Variants in PDE4B observed in about 807,000 individuals in gnomAD.
PDE4B encodes the protein phosphodiesterase 4B.
Under a neutral mutation model 82.2 loss-of-function variants are expected in PDE4B, and 20 were observed. The observed-to-expected ratio is 0.24, with a 90% CI of 0.17 to 0.35. PDE4B has a LOEUF of 0.35. PDE4B is among the 10% of genes least tolerant of loss of function. The pLI is 1.00. For synonymous variants in PDE4B, 320 were observed against 318.9 expected (o/e 1.00, Z -0.04); for missense variants, 655 against 907.2 (o/e 0.72, Z 3.57).
intron 3 of PDE4B, chr1:66,050,399 C>T (rs1335348314): frequency 6.6e-6 from 1 of 151,926 alleles, no homozygotes; most frequent in Non-Finnish European, 1.5e-5. Context: ...CCTCTTGGCT[C>T]AACTTTGTGA....
At chr1:66,199,343 G>A (rs1648653950) in intron 3 of PDE4B, among the ~76,000 whole-genome samples, 1 of 152,050 alleles carries the variant, frequency 6.6e-6, no homozygotes, top group Non-Finnish European at 1.5e-5. Flanking sequence ...GTTTTGATTT[G>A]CATTTCTCTG....
chr1:65,969,145 A>G (rs552251702), intron 3 of PDE4B, among the ~76,000 whole-genome samples: 21 of 152,274 alleles, frequency 1.4e-4, no homozygotes, highest in African/African-American at 4.8e-4. Context: ...TTAAAACACT[A>G]TAGGTTTTCT....
chr1:65,973,039 A>G (rs1384171023), intron 3 of PDE4B, among the ~76,000 whole-genome samples: 4 of 152,180 alleles, frequency 2.6e-5, no homozygotes, highest in Non-Finnish European at 5.9e-5. Flanking sequence ...TGTTTGTTTC[A>G]GAAAAACCCA....
chr1:65,998,868 T>TTA (rs1015389408), intron 3 of PDE4B, among the ~76,000 whole-genome samples: 3 of 138,508 alleles, frequency 2.2e-5, no homozygotes, highest in African/African-American at 8.0e-5. Flanking sequence ...CCTAGTGGGT[T>TTA]AAAAAAAAAA....
chr1:65,825,625 C>T (rs191375267), intron 1 of PDE4B, among the ~76,000 whole-genome samples: 3 of 151,998 alleles, frequency 2.0e-5, no homozygotes, highest in Admixed American at 6.6e-5. Context: ...GCAAGCAGTT[C>T]GCTTGAGCTC....
rs1655013914 is a variant in PDE4B, at chr1:66,266,072, A to G, written c.619A>G (p.Arg207Gly). ...SPAASQPPVS[R>G]VNPQEESYQK... ...AGCTGCTAGTCAGCCTCCTGTCTCC[A>G]GAGTCAACCCACAAGGTAGGCCATG... Residue 207 changes from arginine to glycine, a missense_variant, in exon 7 of 17, where the codon AGA becomes GGA. Transcript: ENST00000341517. The G allele has an allele frequency of 6.2e-7, 1 of 1,612,988 alleles. No individual in the cohort carries two copies. Among genetic ancestry groups the G allele is most frequent in the African/African-American group, 1.3e-5 (1 of 75,014 alleles).
At chr1:66,164,670 G>A (rs1045421827) in intron 3 of PDE4B, among the ~76,000 whole-genome samples, 1 of 150,744 alleles carries the variant, frequency 6.6e-6, no homozygotes, top group African/African-American at 2.4e-5. Context: ...TTAAATTCGA[G>A]CCCTGACTCT....
At chr1:66,118,153 G>A (rs1398198805) in intron 3 of PDE4B, among the ~76,000 whole-genome samples, 1 of 152,070 alleles carries the variant, frequency 6.6e-6, no homozygotes, top group Non-Finnish European at 1.5e-5. Flanking sequence ...CTTGTTGATG[G>A]GGTTGTTTGT....
chr1:66,370,303 G>T (rs1251800462), intron 16 of PDE4B, among the ~76,000 whole-genome samples: 1 of 152,090 alleles, frequency 6.6e-6, no homozygotes, highest in African/African-American at 2.4e-5. Flanking sequence ...TCAGTAAGGA[G>T]GAATAACACC....
intron 3 of PDE4B, among the ~76,000 whole-genome samples, chr1:66,026,870 T>C (rs1653466894): frequency 6.6e-6 from 1 of 152,086 alleles, no homozygotes. Context: ...TGAGGGAGGG[T>C]GTGTGCGTCA....
At chr1:66,247,412 C>T (rs376163105) in intron 3 of PDE4B, 48 bp from the exon 4 acceptor site, 1 of 1,342,184 alleles carries the variant, frequency 7.5e-7, no homozygotes, top group African/African-American at 1.5e-5. Flanking sequence ...ACTATGTGTC[C>T]TCCTCCATGG....
At chr1:66,340,499 GC>G (rs1487317808) in intron 8 of PDE4B, among the ~76,000 whole-genome samples, 2 of 152,006 alleles carry the variant, frequency 1.3e-5, no homozygotes, top group South Asian at 2.1e-4. Context: ...GAAATCTAGA[GC>G]CCCCAAAGAT....
intron 3 of PDE4B, among the ~76,000 whole-genome samples, chr1:66,045,369 C>T (rs1654643459): frequency 6.6e-6 from 1 of 151,636 alleles, no homozygotes; most frequent in Non-Finnish European, 1.5e-5. Context: ...CTCTGGCTCC[C>T]CTGAGCTAAT....
intron 3 of PDE4B, among the ~76,000 whole-genome samples, chr1:66,002,057 A>G (rs1651895073): frequency 6.6e-6 from 1 of 152,104 alleles, no homozygotes; most frequent in Admixed American, 6.6e-5. Context: ...AACACTGCCA[A>G]ACTGTTTTCC....
intron 16 of PDE4B, among the ~76,000 whole-genome samples, chr1:66,371,463 G>A (rs2050779093): frequency 6.6e-6 from 1 of 152,100 alleles, no homozygotes; most frequent in Non-Finnish European, 1.5e-5. Flanking sequence ...CACACTGCTA[G>A]CTCATGCAGG....
intron 2 of PDE4B, 72 bp downstream of exon 2, chr1:65,913,428 G>C (rs112657389): frequency 2.1e-6 from 3 of 1,414,922 alleles, no homozygotes; most frequent in African/African-American, 2.8e-5. Flanking sequence ...CTATTCAAAG[G>C]GCAGCTGGGG....
intron 3 of PDE4B, chr1:65,992,827 G>C (rs1316818149): frequency 6.6e-7 from 1 of 1,523,822 alleles, no homozygotes; most frequent in Non-Finnish European, 8.8e-7. Context: ...AGACTTATCA[G>C]TCTTCTGACC....
chr1:66,299,038 A>C (rs1657706782), intron 7 of PDE4B, among the ~76,000 whole-genome samples: 3 of 152,302 alleles, frequency 2.0e-5, no homozygotes, highest in Middle Eastern at 3.4e-3. Context: ...AGTAATTAGC[A>C]TATTCATCAC....
chr1:66,246,658 C>G (rs1185324741), intron 3 of PDE4B, among the ~76,000 whole-genome samples: 1 of 152,184 alleles, frequency 6.6e-6, no homozygotes, highest in East Asian at 1.9e-4. Context: ...GAGACAAAAT[C>G]TCTACTGCTC....
Sources: gnomAD v4.1 joint callset for allele counts (sites outside exome capture counted in the v4.1 genomes callset) on GRCh38, gnomAD v4.1.1 for gene constraint, MANE v1.5 for transcripts, NCBI Gene and HGNC (gene_info 2026-07-23, HGNC 2026-07-21) for gene names.